CYP7B1: variants seen among roughly 807,000 people sequenced by gnomAD.
CYP7B1 encodes cytochrome P450 7B1.
A neutral mutation model predicts 42.7 loss-of-function variants in CYP7B1; 29 were observed. That is an observed-to-expected ratio of 0.68 (90% CI 0.51 to 0.93). The LOEUF (loss-of-function observed/expected upper bound fraction) is 0.93, where lower values mean the gene tolerates loss of function less well. CYP7B1 is among the 40% of genes least tolerant of loss of function. The probability of loss-of-function intolerance (pLI) is 0.00; values close to 1 mark genes in which losing one functional copy is unlikely to be tolerated. For missense variants in CYP7B1, 655 were observed against 600.5 expected (o/e 1.09, Z -0.95); for synonymous variants, 235 against 218.2 (o/e 1.08, Z -0.68).
At chr8:64,613,152 C>A (rs2129630119) in intron 4 of CYP7B1, among the ~76,000 whole-genome samples, 1 of 152,254 alleles carries the variant, frequency 6.6e-6, no homozygotes, top group South Asian at 2.1e-4. Context: ...CTGCCTTTAT[C>A]CAGGTGGATC....
At chr8:64,793,507 T>C (rs190501770) in intron 1 of CYP7B1, among the ~76,000 whole-genome samples, 1 of 152,258 alleles carries the variant, frequency 6.6e-6, no homozygotes, top group Admixed American at 6.5e-5. Flanking sequence ...AGTGGGTATC[T>C]GTACCTAAGT....
chr8:64,758,933 G>T (rs997377862), intron 1 of CYP7B1, among the ~76,000 whole-genome samples: 2 of 152,196 alleles, frequency 1.3e-5, no homozygotes, highest in Non-Finnish European at 2.9e-5. Context: ...ATGTCAGACT[G>T]CTTCCCATCT....
At chr8:64,750,299 C>T (rs545170163) in intron 1 of CYP7B1, among the ~76,000 whole-genome samples, 31 of 152,262 alleles carry the variant, frequency 2.0e-4, no homozygotes, top group African/African-American at 7.0e-4. Context: ...GCATGGCAAC[C>T]AACAGGATCT....
At chr8:64,685,634 A>C (rs1392584542) in intron 1 of CYP7B1, among the ~76,000 whole-genome samples, 1 of 26,280 alleles carries the variant, frequency 3.8e-5, no homozygotes, top group Non-Finnish European at 8.4e-5. Context: ...CCTGGCAACC[A>C]CCCCGTCTGA....
chr8:64,767,937 A>G (rs10957323), intron 1 of CYP7B1, among the ~76,000 whole-genome samples: 40,896 of 152,008 alleles, frequency 0.27, 6,793 homozygotes, highest in African/African-American at 0.47. Flanking sequence ...TCAACTGTAC[A>G]ACCCCTACTA....
At chr8:64,666,006 G>T (rs4291305) in intron 1 of CYP7B1, among the ~76,000 whole-genome samples, 1,561 of 152,238 alleles carry the variant, frequency 0.01, 23 homozygotes, top group African/African-American at 0.036. Context: ...CATTTAAAAT[G>T]ATTTACTTTA....
chr8:64,776,510 C>A (rs1237702489), intron 1 of CYP7B1, among the ~76,000 whole-genome samples: 1 of 152,156 alleles, frequency 6.6e-6, no homozygotes, highest in East Asian at 1.9e-4. Context: ...TACTTTTAAA[C>A]CCTCTTGCCC....
intron 1 of CYP7B1, among the ~76,000 whole-genome samples, chr8:64,663,793 A>C (rs1318868286): frequency 6.6e-6 from 1 of 152,004 alleles, no homozygotes; most frequent in Non-Finnish European, 1.5e-5. Flanking sequence ...AAGGACCAAA[A>C]ATTTCATTTC....
intron 1 of CYP7B1, among the ~76,000 whole-genome samples, chr8:64,628,246 T>A (rs529893219): frequency 6.6e-6 from 1 of 152,344 alleles, no homozygotes; most frequent in Non-Finnish European, 1.5e-5. Flanking sequence ...TAAACCCAAG[T>A]TCTATGCAAG....
At chr8:64,790,226 GT>G (rs764539115) in intron 1 of CYP7B1, among the ~76,000 whole-genome samples, 1 of 152,176 alleles carries the variant, frequency 6.6e-6, no homozygotes, top group Non-Finnish European at 1.5e-5. Context: ...AATTTCCAAT[GT>G]TTGATCTTCT....
downstream of CYP7B1, among the ~76,000 whole-genome samples, chr8:64,587,020 G>A (rs1323556296): frequency 1.3e-5 from 2 of 152,074 alleles, no homozygotes; most frequent in Non-Finnish European, 2.9e-5. Flanking sequence ...TTTTTTGCCC[G>A]GCAAATCTCT....
chr8:64,709,641 CAAAG>C (rs1563400386), intron 1 of CYP7B1, among the ~76,000 whole-genome samples: 1 of 152,020 alleles, frequency 6.6e-6, no homozygotes, highest in Non-Finnish European at 1.5e-5. Flanking sequence ...AAATAGTTCT[CAAAG>C]GAAGTGAAAG....
At chr8:64,682,920 T>C (rs77789150) in intron 1 of CYP7B1, among the ~76,000 whole-genome samples, 5,216 of 152,328 alleles carry the variant, frequency 0.034, 275 homozygotes, top group African/African-American at 0.12. Flanking sequence ...TTCAGTGTTC[T>C]ACAACTCAAC....
intron 1 of CYP7B1, among the ~76,000 whole-genome samples, chr8:64,725,528 C>G (rs1807310426): frequency 6.6e-6 from 1 of 152,222 alleles, no homozygotes; most frequent in Non-Finnish European, 1.5e-5. Context: ...TTCTCCCTGA[C>G]TCTTGCCCTA....
rs775134338 is a variant in CYP7B1 at position 64,604,907 on chromosome 8, A to G, written c.1058-50T>C. ...CTTATTAAGATAGGGCTGGTCCTGA[A>G]AACTGCTCTCAGTTTGCAATAAAAC... On this transcript the variant is annotated intron_variant, in intron 4 of 5. Coordinates refer to ENST00000310193, the MANE Select transcript of CYP7B1 (RefSeq NM_004820.5). 3 of 1,583,362 alleles carry G rather than the reference A, an allele frequency of 1.9e-6. No homozygotes were observed. The South Asian group carries it at 3.4e-5, about 18-fold the overall frequency.
At chr8:64,795,201 G>T (rs187963192) in intron 1 of CYP7B1, among the ~76,000 whole-genome samples, 1 of 152,226 alleles carries the variant, frequency 6.6e-6, no homozygotes, top group South Asian at 2.1e-4. Context: ...AAATCATTAT[G>T]TTGAGAGAAA....
chr8:64,724,714 G>C (rs1161417704), intron 1 of CYP7B1, among the ~76,000 whole-genome samples: 2 of 152,076 alleles, frequency 1.3e-5, no homozygotes, highest in African/African-American at 4.8e-5. Flanking sequence ...GCTTTGGTGT[G>C]CTGAGTACTT....
At chr8:64,752,924 T>C (rs1355733944) in intron 1 of CYP7B1, among the ~76,000 whole-genome samples, 1 of 152,226 alleles carries the variant, frequency 6.6e-6, no homozygotes, top group Non-Finnish European at 1.5e-5. Flanking sequence ...ACTATTCATA[T>C]ACTACTTCTG....
At chr8:64,760,207 T>G (rs895466753) in intron 1 of CYP7B1, among the ~76,000 whole-genome samples, 1 of 152,064 alleles carries the variant, frequency 6.6e-6, no homozygotes. Flanking sequence ...CAAAAGAAAT[T>G]AAAGCCTTAT....
Sources: allele counts gnomAD v4.1 joint callset (sites outside exome capture counted in the v4.1 genomes callset), GRCh38; gene constraint gnomAD v4.1.1; transcripts MANE v1.5; gene names NCBI Gene and HGNC (gene_info 2026-07-23, HGNC 2026-07-21).